FGD4: variants seen among roughly 807,000 people sequenced by gnomAD.
The protein encoded by FGD4 is FYVE, RhoGEF and PH domain-containing protein 4.
In FGD4, 42 loss-of-function variants were observed where a neutral mutation model predicts 102.0. The observed-to-expected ratio is 0.41, with a 90% CI of 0.32 to 0.53. The LOEUF (loss-of-function observed/expected upper bound fraction) is 0.53, where lower values mean the gene tolerates loss of function less well. FGD4 is among the 20% of genes least tolerant of loss of function. The probability of loss-of-function intolerance (pLI) is 0.21; values close to 1 mark genes in which losing one functional copy is unlikely to be tolerated. For missense variants in FGD4, 902 were observed against 1,078.2 expected (o/e 0.84, Z 2.29); for synonymous variants, 380 against 375.7 (o/e 1.01, Z -0.13).
intron 1 of FGD4, among the ~76,000 whole-genome samples, chr12:32,472,276 C>A (rs1162149618): frequency 6.6e-6 from 1 of 152,220 alleles, no homozygotes; most frequent in Non-Finnish European, 1.5e-5. Flanking sequence ...CCTCAGCTTG[C>A]AGGGAGGTGT....
At chr12:32,545,599 G>C (rs1166468396) in intron 1 of FGD4, among the ~76,000 whole-genome samples, 1 of 152,224 alleles carries the variant, frequency 6.6e-6, no homozygotes, top group Non-Finnish European at 1.5e-5. Context: ...ACAGAAGCTG[G>C]ATTTGGCCTG....
intron 1 of FGD4, among the ~76,000 whole-genome samples, chr12:32,469,764 A>G (rs1049457384): frequency 2.0e-5 from 3 of 151,860 alleles, no homozygotes; most frequent in Non-Finnish European, 4.4e-5. Flanking sequence ...GGTTCAAGCA[A>G]TTCTCCTGCT....
intron 14 of FGD4, among the ~76,000 whole-genome samples, chr12:32,627,142 C>T (rs1397977914): frequency 6.8e-5 from 10 of 146,898 alleles, no homozygotes; most frequent in East Asian, 2.1e-4. Flanking sequence ...CCACCACGTC[C>T]GGCTAAATAC....
At position 32,640,763 on chromosome 12, in the gene FGD4, A is replaced by G. The variant is rs1299973164; in HGVS notation, c.*230A>G. The G allele has an allele frequency of 9.5e-6, 6 of 634,508 alleles. No homozygotes were observed. Among genetic ancestry groups the G allele is most frequent in the African/African-American group, 3.7e-5 (2 of 54,470 alleles). 39.3% of individuals were successfully genotyped at this position (634,508 alleles called of 1,614,324 possible). A position where few individuals can be genotyped will look rare whatever the true frequency, so the allele number is the denominator to read the frequency against. On this transcript the variant is annotated 3_prime_UTR_variant, in exon 17 of 17. Coordinates refer to ENST00000534526, the MANE Select transcript of FGD4 (RefSeq NM_001370298.3). ...TGAAAACTGGAGCATTTTTTGAGCT[A>G]TTCCTTGAATATGTGCTTTTTTGTC... is the stretch of plus-strand genomic sequence containing the variant.
intron 1 of FGD4, among the ~76,000 whole-genome samples, chr12:32,402,434 G>A (rs557028326): frequency 6.6e-6 from 1 of 151,772 alleles, no homozygotes; most frequent in East Asian, 1.9e-4. Flanking sequence ...AGAGAGAGGG[G>A]AGGGGAGTCA....
chr12:32,565,328 G>A (rs1008293359), intron 2 of FGD4, among the ~76,000 whole-genome samples: 2 of 152,132 alleles, frequency 1.3e-5, no homozygotes, highest in South Asian at 2.1e-4. Context: ...TATCAAGCAA[G>A]GTCAGATAAT....
intron 7 of FGD4, among the ~76,000 whole-genome samples, chr12:32,607,451 C>T (rs544218591): frequency 1.3e-5 from 2 of 152,266 alleles, no homozygotes; most frequent in Non-Finnish European, 2.9e-5. Context: ...GCATATTCTC[C>T]ATCTCCTTCC....
intron 1 of FGD4, among the ~76,000 whole-genome samples, chr12:32,424,976 G>A (rs1373215665): frequency 6.6e-6 from 1 of 152,064 alleles, no homozygotes; most frequent in Non-Finnish European, 1.5e-5. Flanking sequence ...TATTAGCCCT[G>A]TGTCAGATGG....
intron 1 of FGD4, among the ~76,000 whole-genome samples, chr12:32,455,064 A>G (rs1366972137): frequency 1.3e-5 from 2 of 152,176 alleles, no homozygotes; most frequent in African/African-American, 4.8e-5. Context: ...CAGATCTTTT[A>G]TTATACAAAC....
intron 1 of FGD4, among the ~76,000 whole-genome samples, chr12:32,456,769 T>C (rs1430153071): frequency 6.6e-6 from 1 of 152,182 alleles, no homozygotes; most frequent in African/African-American, 2.4e-5. Flanking sequence ...GCTGTATATT[T>C]CTAAATAATT....
chr12:32,502,551 T>C (rs1213174008), intron 1 of FGD4, among the ~76,000 whole-genome samples: 2 of 152,210 alleles, frequency 1.3e-5, no homozygotes, highest in Non-Finnish European at 2.9e-5. Flanking sequence ...TTTTAAACTG[T>C]TTTCTGCTTG....
chr12:32,495,573 G>A (rs1937751073), intron 1 of FGD4, among the ~76,000 whole-genome samples: 1 of 151,758 alleles, frequency 6.6e-6, no homozygotes, highest in Admixed American at 6.6e-5. Context: ...GCGGGCACCT[G>A]TAGTCCCAGC....
chr12:32,618,421 C>T (rs887116777), intron 10 of FGD4, among the ~76,000 whole-genome samples: 2 of 146,030 alleles, frequency 1.4e-5, no homozygotes, highest in African/African-American at 2.6e-5. Context: ...CTTAATCAGA[C>T]GATGATATGG....
chr12:32,526,206 T>A (rs1417643574), intron 1 of FGD4, among the ~76,000 whole-genome samples: 3 of 152,106 alleles, frequency 2.0e-5, no homozygotes, highest in Non-Finnish European at 4.4e-5. Flanking sequence ...CAGCACCCTG[T>A]GTTTAGCTCA....
At chr12:32,491,602 A>G (rs189389762) in intron 1 of FGD4, among the ~76,000 whole-genome samples, 232 of 152,268 alleles carry the variant, frequency 1.5e-3, no homozygotes, top group African/African-American at 5.2e-3. Flanking sequence ...CTGATATGGG[A>G]AAGGTTTCAT....
chr12:32,408,449 G>A (rs962344192), intron 1 of FGD4, among the ~76,000 whole-genome samples: 4 of 152,094 alleles, frequency 2.6e-5, no homozygotes, highest in Non-Finnish European at 4.4e-5. Context: ...TGACAGGTGT[G>A]AGCCACCGCG....
chr12:32,473,989 G>A (rs1288843210), intron 1 of FGD4, among the ~76,000 whole-genome samples: 1 of 152,044 alleles, frequency 6.6e-6, no homozygotes, highest in East Asian at 1.9e-4. Context: ...TCGGGAGGCT[G>A]AGGCAGGAGA....
intron 2 of FGD4, among the ~76,000 whole-genome samples, chr12:32,567,404 C>A (rs566909828): frequency 1.3e-5 from 2 of 152,232 alleles, no homozygotes; most frequent in Admixed American, 1.3e-4. Context: ...TTTGCCCACA[C>A]TTGCATATCC....
chr12:32,495,264 A>G (rs1054034345), intron 1 of FGD4, among the ~76,000 whole-genome samples: 1 of 152,290 alleles, frequency 6.6e-6, no homozygotes, highest in Non-Finnish European at 1.5e-5. Context: ...GTTTTGTCAC[A>G]TACTCTACCT....
Sources: allele counts gnomAD v4.1 joint callset (sites outside exome capture counted in the v4.1 genomes callset), GRCh38; gene constraint gnomAD v4.1.1; transcripts MANE v1.5; gene names NCBI Gene and HGNC (gene_info 2026-07-23, HGNC 2026-07-21).